Variants in DNAH5 observed in about 807,000 individuals in gnomAD.
The protein encoded by DNAH5 is dynein axonemal heavy chain 5.
A neutral mutation model predicts 518.2 loss-of-function variants in DNAH5; 372 were observed. That is an observed-to-expected ratio of 0.72 (90% confidence interval 0.66 to 0.78). The LOEUF (loss-of-function observed/expected upper bound fraction) is 0.78. Among genes scored for constraint, DNAH5 ranks in the 30% least tolerant of loss-of-function variants. The pLI is 0.00. For missense variants in DNAH5, 5,523 were observed against 5,687.0 expected (o/e 0.97, Z 0.93); for synonymous variants, 2,039 against 2,025.9 (o/e 1.01, Z -0.17).
chr5:13,832,759 C>A (rs1455703079), intron 35 of DNAH5, among the ~76,000 whole-genome samples: 1 of 152,180 alleles, frequency 6.6e-6, no homozygotes, highest in African/African-American at 2.4e-5. Flanking sequence ...CTGATCCAGT[C>A]ATTCATTCTT....
intron 14 of DNAH5, 151 bp downstream of exon 14, chr5:13,901,100 TG>T: frequency 1.4e-6 from 1 of 736,336 alleles, no homozygotes; most frequent in Non-Finnish European, 2.2e-6. Flanking sequence ...TTTTTCTTTG[TG>T]GACATATTAC....
At chr5:13,869,812 T>G (rs1353981828) in intron 24 of DNAH5, among the ~76,000 whole-genome samples, 1 of 151,994 alleles carries the variant, frequency 6.6e-6, no homozygotes, top group Non-Finnish European at 1.5e-5. Flanking sequence ...AAGAGTTTGT[T>G]TGTTTGTTTG....
chr5:13,766,315 T>C, intron 58 of DNAH5, 136 bp from the exon 59 acceptor site: 1 of 854,294 alleles, frequency 1.2e-6, no homozygotes, highest in Non-Finnish European at 2.0e-6. Context: ...AGGGTCTAGA[T>C]GCATATTTAA....
intron 1 of DNAH5, among the ~76,000 whole-genome samples, chr5:13,981,168 G>T (rs765072612): frequency 8.5e-5 from 13 of 152,230 alleles, no homozygotes; most frequent in Non-Finnish European, 1.2e-4. Flanking sequence ...TTGGTCTGTT[G>T]TGTCTGCGGC....
chr5:13,951,892 C>A (rs1280725664), intron 1 of DNAH5, among the ~76,000 whole-genome samples: 2 of 152,144 alleles, frequency 1.3e-5, no homozygotes, highest in Non-Finnish European at 2.9e-5. Flanking sequence ...CTCCTTTAAC[C>A]CTGCATTTAG....
intron 15 of DNAH5, chr5:13,899,894 C>A: frequency 2.9e-6 from 1 of 348,294 alleles, no homozygotes; most frequent in Non-Finnish European, 5.3e-6. Flanking sequence ...TCCCTCTTAA[C>A]ATCCATTTTC....
chr5:13,800,874 ATTAGATTAT>A (rs1256455586), intron 47 of DNAH5, among the ~76,000 whole-genome samples: 1 of 152,152 alleles, frequency 6.6e-6, no homozygotes, highest in Non-Finnish European at 1.5e-5. Context: ...ATGTTCGCTT[ATTAGATTAT>A]TGCCTGTCTC....
At chr5:13,875,861 T>C (rs1006869247) in intron 22 of DNAH5, among the ~76,000 whole-genome samples, 1 of 152,218 alleles carries the variant, frequency 6.6e-6, no homozygotes, top group African/African-American at 2.4e-5. Context: ...AAAACTAAAC[T>C]TAATAATATT....
rs1720386087 is a variant in DNAH5 at position 13,776,630 on chromosome 5, G to A, written c.9182C>T (p.Pro3061Leu). The A allele has an allele frequency of 6.2e-7, 1 of 1,613,830 alleles. No homozygotes were observed. Among genetic ancestry groups the A allele is most frequent in the Non-Finnish European group, 8.5e-7 (1 of 1,179,824 alleles). ...DLASVMKKEF[P>L]RCLPTNENLH... ...GTTCTCATTGGTAGGAAGGCACCTG[G>A]GGAATTCTTTTTTCATGACTGATGC... The change falls in exon 55 of 79, where the codon CCC (proline) becomes CTC (leucine). Residue 3061 changes from proline (P) to leucine (L), a missense_variant. Physicochemically the swap from Pro to Leu is moderately conservative, Grantham distance 98. Around this residue, in one of 3 missense-constraint regions of DNAH5, gnomAD observed 5,121 missense variants for 5,223.3 expected, o/e 0.98. Transcript: ENST00000265104.
chr5:13,993,708 G>A (rs1162953141), intron 1 of DNAH5, among the ~76,000 whole-genome samples: 4 of 152,142 alleles, frequency 2.6e-5, no homozygotes, highest in South Asian at 4.1e-4. Context: ...GACTGGCTTC[G>A]TGGGTGGTTG....
chr5:13,960,402 C>T (rs1025909058), intron 1 of DNAH5, among the ~76,000 whole-genome samples: 5 of 152,088 alleles, frequency 3.3e-5, no homozygotes, highest in Admixed American at 6.5e-5. Flanking sequence ...TTTCAGAATT[C>T]CTAACTCTCT....
At chr5:13,866,764 A>T (rs1446412534) in intron 25 of DNAH5, among the ~76,000 whole-genome samples, 2 of 152,178 alleles carry the variant, frequency 1.3e-5, no homozygotes, top group Non-Finnish European at 2.9e-5. Context: ...ACATGGGTCC[A>T]ATCTTCTAAC....
intron 17 of DNAH5, among the ~76,000 whole-genome samples, chr5:13,890,473 C>T (rs1322739100): frequency 2.0e-5 from 3 of 151,596 alleles, no homozygotes; most frequent in South Asian, 4.2e-4. Flanking sequence ...TAAAGTGTAG[C>T]GGATCTGTAA....
chr5:13,890,243 C>CAA (rs1363524321), intron 17 of DNAH5, among the ~76,000 whole-genome samples: 20 of 152,036 alleles, frequency 1.3e-4, no homozygotes. Flanking sequence ...CCCATCTCTA[C>CAA]TAAAATACAA....
rs1279090480 is a variant in DNAH5, at chr5:13,891,062, T to C, written c.2491A>G (p.Ile831Val). 1 of 1,614,008 alleles carries C rather than the reference T, an allele frequency of 6.2e-7. No homozygotes were observed. Among genetic ancestry groups the C allele is most frequent in the African/African-American group, 1.3e-5 (1 of 74,932 alleles). ...NDLIEFRIDA[I>V]LEEMSSTPLC... ...GGCGTGCTGCTCATTTCTTCTAGAA[T>C]GGCATCAATGCGGAACTCAATCAAA... is the stretch of plus-strand genomic sequence containing the variant. The change falls in exon 17 of 79, where the codon ATT becomes GTT. Residue 831 changes from isoleucine to valine, a missense_variant. By Grantham distance (29) the Ile-to-Val change is conservative (BLOSUM62 3). This residue lies in a region of DNAH5 where 5,121 missense variants were observed against 5,223.3 expected (regional missense o/e 0.98). Coordinates refer to ENST00000265104, the MANE Select transcript of DNAH5 (RefSeq NM_001369.3).
intron 17 of DNAH5, among the ~76,000 whole-genome samples, chr5:13,887,556 C>T (rs936448122): frequency 1.3e-5 from 2 of 152,186 alleles, no homozygotes; most frequent in African/African-American, 4.8e-5. Context: ...TTCTTTCAAT[C>T]CTGAGTGGTG....
intron 75 of DNAH5, among the ~76,000 whole-genome samples, chr5:13,709,282 A>T (rs6554804): frequency 6.6e-6 from 1 of 151,940 alleles, no homozygotes; most frequent in Non-Finnish European, 1.5e-5. Context: ...AGGGTGGCTC[A>T]TGTTAGAAGC....
rs1763349947 is a variant in DNAH5, at chr5:13,829,518, A to G, written c.6436T>C (p.Ser2146Pro). ...TLYKLCEEQL[S>P]KQVHYDFGLR... ...CCTCCAGGATGACACACCTGCTTAGAAAGCTGCTCCTCACACAGTTTGTAG... is the reference window on the plus strand; with the variant it reads ...CCTCCAGGATGACACACCTGCTTAGGAAGCTGCTCCTCACACAGTTTGTAG... Residue 2146 changes from serine to proline, a missense_variant, in exon 38 of 79, where the codon TCT becomes CCT. Ser to Pro is a moderately conservative substitution (Grantham distance 74). Coordinates refer to ENST00000265104, the MANE Select transcript of DNAH5 (RefSeq NM_001369.3). 3 of 1,614,090 alleles carry G rather than the reference A, an allele frequency of 1.9e-6. No homozygotes were observed. The highest frequency in any genetic ancestry group is 2.5e-6 in the Non-Finnish European group (3 of 1,180,038).
At chr5:13,868,340 A>G (rs545439733) in intron 24 of DNAH5, among the ~76,000 whole-genome samples, 19 of 152,356 alleles carry the variant, frequency 1.2e-4, no homozygotes, top group African/African-American at 4.6e-4. Context: ...AAATTCTATC[A>G]AGTAAATAAA....
Sources: allele counts gnomAD v4.1 joint callset (sites outside exome capture counted in the v4.1 genomes callset), GRCh38; gene constraint gnomAD v4.1.1; regional missense constraint gnomAD v4.1.1; transcripts MANE v1.5; gene names NCBI Gene and HGNC (gene_info 2026-07-23, HGNC 2026-07-21).